The following DENND1A variants were observed in gnomAD, a reference collection of about 807,000 sequenced individuals.
The protein encoded by DENND1A is DENN domain-containing protein 1A.
A neutral mutation model predicts 113.7 loss-of-function variants in DENND1A; 51 were observed. The observed-to-expected ratio is 0.45, with a 90% CI of 0.36 to 0.57. DENND1A has a LOEUF of 0.57. DENND1A is among the 20% of genes least tolerant of loss of function. The probability of loss-of-function intolerance (pLI) is 0.00; values close to 1 mark genes in which losing one functional copy is unlikely to be tolerated. For synonymous variants in DENND1A, 565 were observed against 570.8 expected (o/e 0.99, Z 0.14); for missense variants, 1,258 against 1,395.9 (o/e 0.90, Z 1.57).
intron 4 of DENND1A, 151 bp from the exon 5 acceptor site, chr9:123,757,973 A>T: frequency 4.9e-5 from 24 of 494,588 alleles, no homozygotes; most frequent in Non-Finnish European, 6.2e-5. Context: ...ACTGTAAGCT[A>T]GTTAAAAAAA....
chr9:123,457,515 A>T, intron 14 of DENND1A, 80 bp from the exon 15 acceptor site: 1 of 1,186,010 alleles, frequency 8.4e-7, no homozygotes, highest in Non-Finnish European at 1.2e-6. Flanking sequence ...ACCTTACTGT[A>T]TCCAAGGTAG....
intron 13 of DENND1A, among the ~76,000 whole-genome samples, chr9:123,502,815 T>C (rs1434653157): frequency 2.0e-5 from 3 of 152,242 alleles, no homozygotes; most frequent in Admixed American, 2.0e-4. Context: ...TTCATAGTTT[T>C]AGGTCTTAAA....
intron 10 of DENND1A, among the ~76,000 whole-genome samples, chr9:123,617,568 C>A (rs909971879): frequency 1.3e-5 from 2 of 152,172 alleles, no homozygotes; most frequent in African/African-American, 4.8e-5. Flanking sequence ...AAAGATAACA[C>A]CTGGACAAAA....
At chr9:123,863,798 C>T (rs1590432374) in intron 2 of DENND1A, among the ~76,000 whole-genome samples, 1 of 152,164 alleles carries the variant, frequency 6.6e-6, no homozygotes, top group South Asian at 2.1e-4. Context: ...ATTTTTCTCT[C>T]TCTCCCCAAA....
intron 13 of DENND1A, among the ~76,000 whole-genome samples, chr9:123,459,206 A>G (rs1256704864): frequency 6.6e-6 from 1 of 152,164 alleles, no homozygotes; most frequent in African/African-American, 2.4e-5. Flanking sequence ...GAACCCTGTT[A>G]CCTGAGTTCC....
intron 3 of DENND1A, among the ~76,000 whole-genome samples, chr9:123,775,741 G>A (rs924834364): frequency 1.3e-5 from 2 of 151,986 alleles, no homozygotes; most frequent in African/African-American, 4.8e-5. Context: ...ACACCCCAAG[G>A]CCAAAGCTTT....
intron 13 of DENND1A, among the ~76,000 whole-genome samples, chr9:123,484,688 C>T (rs1021562224): frequency 4.6e-5 from 7 of 152,202 alleles, no homozygotes; most frequent in African/African-American, 1.4e-4. Context: ...ATTCAGTTCT[C>T]CCCTGAGCCT....
At chr9:123,863,650 G>C (rs1468219332) in intron 2 of DENND1A, among the ~76,000 whole-genome samples, 1 of 151,336 alleles carries the variant, frequency 6.6e-6, no homozygotes, top group Non-Finnish European at 1.5e-5. Flanking sequence ...CATCTTCCTT[G>C]AACACCAAGT....
intron 13 of DENND1A, among the ~76,000 whole-genome samples, chr9:123,500,142 A>G (rs2052343119): frequency 6.6e-6 from 1 of 152,188 alleles, no homozygotes; most frequent in Non-Finnish European, 1.5e-5. Context: ...ATAAAAGTTA[A>G]GAAAAGTCTA....
intron 5 of DENND1A, among the ~76,000 whole-genome samples, chr9:123,735,126 C>T (rs1052374989): frequency 6.6e-6 from 1 of 152,088 alleles, no homozygotes; most frequent in Admixed American, 6.6e-5. Context: ...AGGAAGATAT[C>T]AAAGGGCACA....
intron 2 of DENND1A, among the ~76,000 whole-genome samples, chr9:123,858,706 C>T (rs757394409): frequency 6.6e-6 from 1 of 151,958 alleles, no homozygotes; most frequent in Non-Finnish European, 1.5e-5. Context: ...AAGTCAGGGC[C>T]AAAGACACAA....
At chr9:123,900,459 C>A (rs1034857657) in intron 1 of DENND1A, among the ~76,000 whole-genome samples, 3 of 152,170 alleles carry the variant, frequency 2.0e-5, no homozygotes, top group Non-Finnish European at 4.4e-5. Context: ...AAAGTGCCTT[C>A]AAGTGCGGCA....
intron 13 of DENND1A, among the ~76,000 whole-genome samples, chr9:123,460,035 ATTTG>A (rs1279889044): frequency 6.6e-6 from 1 of 152,214 alleles, no homozygotes; most frequent in Admixed American, 6.5e-5. Context: ...TATAAAAAGT[ATTTG>A]TTTGGGAAAA....
chr9:123,845,134 C>A (rs1771536971), intron 2 of DENND1A, among the ~76,000 whole-genome samples: 1 of 151,974 alleles, frequency 6.6e-6, no homozygotes, highest in Admixed American at 6.6e-5. Context: ...ACACAAGAAT[C>A]TCTTGAACCC....
Position 123,466,067 on chromosome 9 carries a change from C to G in DENND1A, c.994-8170G>C, listed in dbSNP as rs2048923012. Among the ~76,000 whole-genome samples the G allele has an allele frequency of 3.3e-5, 5 of 152,276 alleles. No homozygotes were observed. In the South Asian group the frequency reaches 1.0e-3, roughly 32 times the overall value. ...CCAGGCTGGAGTGCAGTGGCGCGAT[C>G]TCGGCTCACTACAAGCTCCACCTCA... On this transcript the variant is annotated intron_variant, in intron 13 of 23. Coordinates refer to ENST00000394215, the MANE Select transcript of DENND1A (RefSeq NM_001352964.2).
intron 20 of DENND1A, among the ~76,000 whole-genome samples, chr9:123,407,430 CG>C (rs1026852346): frequency 1.3e-5 from 2 of 152,096 alleles, no homozygotes; most frequent in Non-Finnish European, 2.9e-5. Flanking sequence ...TGAAGGCACA[CG>C]TATGACTCAC....
chr9:123,424,574 A>G (rs900625992), intron 19 of DENND1A, among the ~76,000 whole-genome samples: 1 of 152,114 alleles, frequency 6.6e-6, no homozygotes, highest in African/African-American at 2.4e-5. Flanking sequence ...ACATATTCCC[A>G]GCTGCTATTT....
intron 18 of DENND1A, among the ~76,000 whole-genome samples, chr9:123,441,205 G>A (rs1047064708): frequency 6.6e-6 from 1 of 152,266 alleles, no homozygotes; most frequent in South Asian, 2.1e-4. Flanking sequence ...CCAGTTTCAC[G>A]ATACTTGTGA....
intron 2 of DENND1A, among the ~76,000 whole-genome samples, chr9:123,842,685 C>G (rs373328411): frequency 1.6e-4 from 25 of 152,070 alleles, no homozygotes; most frequent in African/African-American, 5.8e-4. Context: ...AGAATTCTAC[C>G]AAACATTTAA....
Sources: gnomAD v4.1 joint callset for allele counts (sites outside exome capture counted in the v4.1 genomes callset) on GRCh38, gnomAD v4.1.1 for gene constraint, MANE v1.5 for transcripts, NCBI Gene and HGNC (gene_info 2026-07-23, HGNC 2026-07-21) for gene names.